The following DCC variants were observed in gnomAD, a reference collection of about 807,000 sequenced individuals.
DCC encodes DCC netrin 1 receptor.
Under a neutral mutation model 172.5 loss-of-function variants are expected in DCC, and 58 were observed. The ratio of observed to expected loss-of-function variants is 0.34; its 90% CI spans 0.27 to 0.42. The LOEUF (loss-of-function observed/expected upper bound fraction) is 0.42. Among genes scored for constraint, DCC ranks in the 10% least tolerant of loss-of-function variants. DCC has a pLI of 1.00. For synonymous variants in DCC, 709 were observed against 644.5 expected (o/e 1.10, Z -1.52); for missense variants, 1,740 against 1,791.0 (o/e 0.97, Z 0.51).
At chr18:52,390,951 C>G (rs1673582753) in intron 1 of DCC, among the ~76,000 whole-genome samples, 1 of 152,000 alleles carries the variant, frequency 6.6e-6, no homozygotes, top group South Asian at 2.1e-4. Context: ...CCTCCATTAC[C>G]AAAAGTCTTA....
chr18:52,941,502 G>GTGTATATA (rs151312837), intron 5 of DCC, among the ~76,000 whole-genome samples: 14 of 148,968 alleles, frequency 9.4e-5, no homozygotes, highest in African/African-American at 2.7e-4. Flanking sequence ...GTGTGTGTGT[G>GTGTATATA]TATATATATA....
chr18:52,435,316 AAATAGAT>A (rs1987756127), intron 1 of DCC, among the ~76,000 whole-genome samples: 1 of 152,072 alleles, frequency 6.6e-6, no homozygotes, highest in Non-Finnish European at 1.5e-5. Flanking sequence ...TGTGTGTGCT[AAATAGAT>A]CTGTCTTCCT....
chr18:53,245,409 T>C (rs1278857225), intron 12 of DCC, among the ~76,000 whole-genome samples: 1 of 152,136 alleles, frequency 6.6e-6, no homozygotes, highest in African/African-American at 2.4e-5. Flanking sequence ...ACTCATTTGT[T>C]ATGTGTGGAA....
intron 26 of DCC, among the ~76,000 whole-genome samples, chr18:53,496,796 T>C (rs888003503): frequency 6.6e-6 from 1 of 152,308 alleles, no homozygotes; most frequent in African/African-American, 2.4e-5. Flanking sequence ...AATTACCTGA[T>C]GGAGCTGAAA....
At chr18:53,029,092 G>T (rs1599044288) in intron 5 of DCC, among the ~76,000 whole-genome samples, 1 of 148,220 alleles carries the variant, frequency 6.7e-6, no homozygotes, top group Admixed American at 6.6e-5. Context: ...TCACAAAGAA[G>T]TAAACTAAAA....
At chr18:52,577,951 G>T (rs187100869) in intron 1 of DCC, among the ~76,000 whole-genome samples, 1 of 152,114 alleles carries the variant, frequency 6.6e-6, no homozygotes, top group Non-Finnish European at 1.5e-5. Flanking sequence ...TCACCTACCC[G>T]TGCTAAAAAT....
chr18:52,535,434 C>T (rs1462648468), intron 1 of DCC, among the ~76,000 whole-genome samples: 1 of 152,130 alleles, frequency 6.6e-6, no homozygotes, highest in East Asian at 1.9e-4. Flanking sequence ...CTCATTGTAT[C>T]CCATTTTGTA....
chr18:52,735,596 G>A (rs965040836), intron 1 of DCC, among the ~76,000 whole-genome samples: 7 of 151,418 alleles, frequency 4.6e-5, no homozygotes, highest in African/African-American at 7.3e-5. Context: ...AGGTTCAAGA[G>A]GCTGTGGCAA....
intron 1 of DCC, among the ~76,000 whole-genome samples, chr18:52,644,680 A>G (rs986706641): frequency 2.6e-5 from 4 of 151,484 alleles, no homozygotes; most frequent in Non-Finnish European, 4.4e-5. Flanking sequence ...ACTTGAGCCC[A>G]AGAGTTTGAG....
chr18:53,179,166 T>C, intron 9 of DCC, 50 bp downstream of exon 9: 2 of 1,545,808 alleles, frequency 1.3e-6, no homozygotes, highest in Non-Finnish European at 1.8e-6. Flanking sequence ...TATTTTCCTC[T>C]GCAATATCCT....
At chr18:53,058,580 T>A (rs2042448910) in intron 5 of DCC, among the ~76,000 whole-genome samples, 1 of 152,054 alleles carries the variant, frequency 6.6e-6, no homozygotes, top group Admixed American at 6.6e-5. Context: ...GACAAATAGA[T>A]CCCAGATCCT....
At chr18:52,843,826 C>G (rs1006679816) in intron 2 of DCC, among the ~76,000 whole-genome samples, 2 of 152,066 alleles carry the variant, frequency 1.3e-5, no homozygotes, top group African/African-American at 2.4e-5. Context: ...TAAATATTTT[C>G]CTATTATTTG....
chr18:52,559,391 G>A (rs1333694418), intron 1 of DCC, among the ~76,000 whole-genome samples: 6 of 152,164 alleles, frequency 3.9e-5, no homozygotes, highest in Non-Finnish European at 7.3e-5. Context: ...GATTAGAGGC[G>A]TGAGCCACCA....
chr18:52,641,211 C>T (rs1568269042), intron 1 of DCC, among the ~76,000 whole-genome samples: 1 of 152,132 alleles, frequency 6.6e-6, no homozygotes, highest in Non-Finnish European at 1.5e-5. Flanking sequence ...ACATAAAAAT[C>T]AACTCAAGAT....
chr18:53,288,411 G>A lies in DCC; in HGVS notation c.1912-17167G>A, dbSNP rs182942487. Among the ~76,000 whole-genome samples, 62 of 152,032 alleles carry A rather than the reference G, an allele frequency of 4.1e-4. No homozygotes were observed. In the South Asian group the frequency reaches 7.9e-3, roughly 19 times the overall value. On this transcript the variant is annotated intron_variant, in intron 12 of 28. Coordinates refer to ENST00000442544, the MANE Select transcript of DCC (RefSeq NM_005215.4). ...AGTTACATTAGAATGATCACTGGGC[G>A]GTTTCTTTCCATGTTGCATAATTGA... is the stretch of plus-strand genomic sequence containing the variant.
rs1599114104 is a variant in DCC at position 53,086,133 on chromosome 18, C to T, written c.1261+19967C>T. Among the ~76,000 whole-genome samples the T allele has an allele frequency of 1.8e-4, 4 of 21,944 alleles. 2 individuals carry two copies. The African/African-American group carries it at 2.5e-3, about 14-fold the overall frequency. 14.4% of individuals were successfully genotyped at this position (21,944 alleles called of 152,430 possible). A position where few individuals can be genotyped will look rare whatever the true frequency, so the allele number is the denominator to read the frequency against. On this transcript the variant is annotated intron_variant, in intron 7 of 28. Transcript: ENST00000442544. The stretch of plus-strand genomic sequence containing the variant: ...CCTCCTCCTCCTCCTCCTCCTCCTC[C>T]TCCTCCTCCTCCTCCTCCTCTTCCT...
intron 8 of DCC, among the ~76,000 whole-genome samples, chr18:53,166,502 T>G (rs1019738214): frequency 1.3e-5 from 2 of 152,142 alleles, no homozygotes; most frequent in African/African-American, 2.4e-5. Context: ...TCAGTCACAT[T>G]TATCATGTGG....
chr18:52,630,394 G>T (rs1448924937), intron 1 of DCC, among the ~76,000 whole-genome samples: 1 of 152,150 alleles, frequency 6.6e-6, no homozygotes, highest in African/African-American at 2.4e-5. Flanking sequence ...ATTAGATTCT[G>T]AGCTATGCTA....
intron 1 of DCC, among the ~76,000 whole-genome samples, chr18:52,660,062 G>C (rs1256180792): frequency 1.3e-5 from 2 of 152,024 alleles, no homozygotes; most frequent in Admixed American, 6.6e-5. Context: ...GCCAATTAAT[G>C]GTAGAGAAAA....
Sources: allele counts gnomAD v4.1 joint callset (sites outside exome capture counted in the v4.1 genomes callset), GRCh38; gene constraint gnomAD v4.1.1; transcripts MANE v1.5; gene names NCBI Gene and HGNC (gene_info 2026-07-23, HGNC 2026-07-21).